The following DEK variants were observed in gnomAD, a reference collection of about 807,000 sequenced individuals.
DEK encodes the protein DEK proto-oncogene, also known as protein DEK.
DEK carries 28 observed loss-of-function variants against 46.8 expected under a neutral mutation model. That is an observed-to-expected ratio of 0.60 (90% CI 0.44 to 0.82). The LOEUF (loss-of-function observed/expected upper bound fraction) is 0.82, where lower values mean the gene tolerates loss of function less well. Among genes scored for constraint, DEK ranks in the 40% least tolerant of loss-of-function variants. DEK has a pLI of 0.00. For synonymous variants in DEK, 160 were observed against 144.5 expected (o/e 1.11, Z -0.77); for missense variants, 416 against 430.6 (o/e 0.97, Z 0.30).
rs973867812 is a variant in DEK, at chr6:18,235,679, G to T, written c.1047+773C>A. ...AAAAAATTTTTTTTTGGTAGAGACG[G>T]GATCTCACTATGCTGCCCAGGTTGG... On this transcript the variant is annotated intron_variant, in intron 9 of 10. Coordinates refer to ENST00000652689, the MANE Select transcript of DEK (RefSeq NM_003472.4). Among the ~76,000 whole-genome samples the T allele has an allele frequency of 5.9e-5, 9 of 152,180 alleles. No homozygotes were observed. In the East Asian group the frequency reaches 1.4e-3, roughly 23 times the overall value.
intron 9 of DEK, among the ~76,000 whole-genome samples, chr6:18,232,668 C>T (rs1236696316): frequency 1.3e-5 from 2 of 152,096 alleles, no homozygotes; most frequent in African/African-American, 4.8e-5. Context: ...TGTGAAGGAC[C>T]TCTTCAAGGA....
At chr6:18,232,908 A>C (rs1382649236) in intron 9 of DEK, among the ~76,000 whole-genome samples, 1 of 152,260 alleles carries the variant, frequency 6.6e-6, no homozygotes, top group Non-Finnish European at 1.5e-5. Flanking sequence ...TTAAGCCAAA[A>C]GAACAAAGCT....
intron 9 of DEK, among the ~76,000 whole-genome samples, chr6:18,233,013 G>A (rs1790476887): frequency 6.6e-6 from 1 of 152,084 alleles, no homozygotes; most frequent in South Asian, 2.1e-4. Context: ...ATAGACCAAT[G>A]GAACAGAACA....
chr6:18,250,568 C>T (rs960797218), intron 6 of DEK, among the ~76,000 whole-genome samples: 12 of 62,850 alleles, frequency 1.9e-4, no homozygotes, highest in South Asian at 8.7e-4. Flanking sequence ...GGAGAAAAAC[C>T]TTTTTTTTTT....
At chr6:18,237,218 C>T in intron 8 of DEK, 163 bp downstream of exon 8, 1 of 767,898 alleles carries the variant, frequency 1.3e-6, no homozygotes, top group East Asian at 3.2e-5. Context: ...TGAATCACTT[C>T]CTGTCCCAAG....
chr6:18,255,921 A>T, intron 5 of DEK, 70 bp from the exon 6 acceptor site: 1 of 1,512,138 alleles, frequency 6.6e-7, no homozygotes, highest in Non-Finnish European at 8.8e-7. Flanking sequence ...CACAATATAA[A>T]GGGAAAGCCA....
chr6:18,264,329 C>T (rs546496870), intron 1 of DEK, 56 bp downstream of exon 1: 46 of 164,584 alleles, frequency 2.8e-4, no homozygotes, highest in African/African-American at 1.0e-3. Context: ...CGCGTCCCTC[C>T]CCCGTCGGCC....
intron 7 of DEK, among the ~76,000 whole-genome samples, chr6:18,248,468 G>A (rs907862758): frequency 7.2e-5 from 11 of 151,728 alleles, no homozygotes; most frequent in Non-Finnish European, 1.5e-4. Context: ...TTTTCCTCCC[G>A]GATATCCAAT....
At chr6:18,241,441 A>C (rs1333615891) in intron 7 of DEK, among the ~76,000 whole-genome samples, 1 of 152,158 alleles carries the variant, frequency 6.6e-6, no homozygotes, top group Non-Finnish European at 1.5e-5. Flanking sequence ...CTTAACAATT[A>C]CCTCCTCTAA....
In DEK at chr6:18,255,734, G is replaced by A; in HGVS notation, c.570C>T (p.Gly190=). Reference sequence around the variant, plus strand: ...AAAAATAAAAATTGATCCTCACTTTGCCAGAAGGCTTTGGATGCATTAAGA... The same window carrying A: ...AAAAATAAAAATTGATCCTCACTTTACCAGAAGGCTTTGGATGCATTAAGA... The part of the protein sequence containing the change: ...LNFLMHPKPS[G]KPLPKSKKTC... Residue 190 remains glycine (G), a synonymous_variant, in exon 6 of 11, where the codon GGC becomes GGT. Transcript: ENST00000652689. The A allele has an allele frequency of 6.3e-7, 1 of 1,594,170 alleles. No homozygotes were observed. The highest frequency in any genetic ancestry group is 8.5e-7 in the Non-Finnish European group (1 of 1,174,948).
chr6:18,237,332 A>G (rs754238161), intron 8 of DEK, 49 bp downstream of exon 8: 3 of 1,555,388 alleles, frequency 1.9e-6, no homozygotes. Context: ...CAACATATTA[A>G]TATATGCTAT....
intron 9 of DEK, among the ~76,000 whole-genome samples, chr6:18,235,219 A>G (rs1455765510): frequency 1.3e-5 from 2 of 152,208 alleles, no homozygotes; most frequent in African/African-American, 2.4e-5. Context: ...TAATCTACAT[A>G]GCCTCTGAAT....
At chr6:18,251,780 CT>C (rs1375828777) in intron 6 of DEK, among the ~76,000 whole-genome samples, 2 of 152,056 alleles carry the variant, frequency 1.3e-5, no homozygotes, top group Non-Finnish European at 2.9e-5. Flanking sequence ...CATAATATCC[CT>C]CACAATCTCA....
intron 4 of DEK, among the ~76,000 whole-genome samples, chr6:18,257,545 T>C (rs567054928): frequency 1.3e-5 from 2 of 152,140 alleles, no homozygotes; most frequent in Non-Finnish European, 2.9e-5. Context: ...ACCCTGCCTC[T>C]ACAAAAAGTA....
chr6:18,240,358 C>T (rs189893323), intron 7 of DEK, among the ~76,000 whole-genome samples: 1 of 152,296 alleles, frequency 6.6e-6, no homozygotes, highest in East Asian at 1.9e-4. Flanking sequence ...ACTGCACAAG[C>T]ACTAAAGAAA....
At chr6:18,230,616 CAA>C (rs1790372110) in intron 9 of DEK, among the ~76,000 whole-genome samples, 2 of 152,082 alleles carry the variant, frequency 1.3e-5, no homozygotes, top group Admixed American at 6.5e-5. Context: ...CAACAAAGAT[CAA>C]AAGAGACAAA....
At chr6:18,264,236 C>CTG in intron 1 of DEK, 149 bp downstream of exon 1, 1 of 303,240 alleles carries the variant, frequency 3.3e-6, no homozygotes, top group Non-Finnish European at 6.0e-6. Context: ...CGCGCGCCCG[C>CTG]CCGGCCTGCG....
Position 18,250,131 on chromosome 6 carries a change from G to A in DEK, c.574-292C>T, listed in dbSNP as rs79631472. ...AAGACACATTATGTTAAGCTCCAACGGCTGTTAATACTTTGTCATGATAAT... is the reference window on the plus strand; with the variant it reads ...AAGACACATTATGTTAAGCTCCAACAGCTGTTAATACTTTGTCATGATAAT... On this transcript the variant is annotated intron_variant, in intron 6 of 10. Transcript: ENST00000652689. Among the ~76,000 whole-genome samples the A allele has an allele frequency of 2.1e-3, 325 of 152,226 alleles. 5 individuals carry two copies. The highest frequency in any genetic ancestry group is 0.011 in the East Asian group (57 of 5,188).
At chr6:18,258,553 G>T in intron 2 of DEK, 148 bp from the exon 3 acceptor site, 1 of 543,758 alleles carries the variant, frequency 1.8e-6, no homozygotes, top group South Asian at 3.4e-5. Context: ...ACATAAAAGA[G>T]GAAAACACTT....
Sources: gnomAD v4.1 joint callset for allele counts (sites outside exome capture counted in the v4.1 genomes callset) on GRCh38, gnomAD v4.1.1 for gene constraint, MANE v1.5 for transcripts, NCBI Gene and HGNC (gene_info 2026-07-23, HGNC 2026-07-21) for gene names.